NOS1AP: variants seen among roughly 807,000 people sequenced by gnomAD.
The protein encoded by NOS1AP is carboxyl-terminal PDZ ligand of neuronal nitric oxide synthase protein.
NOS1AP carries 21 observed loss-of-function variants against 56.2 expected under a neutral mutation model. The observed-to-expected ratio is 0.37, with a 90% CI of 0.26 to 0.54. The LOEUF is 0.54. Among genes scored for constraint, NOS1AP ranks in the 20% least tolerant of loss-of-function variants. The pLI, the probability that NOS1AP is intolerant of heterozygous loss-of-function variation, is 0.84. For synonymous variants in NOS1AP, 270 were observed against 274.6 expected (o/e 0.98, Z 0.17); for missense variants, 522 against 657.8 (o/e 0.79, Z 2.26).
At chr1:162,116,177 A>G (rs904592313) in intron 1 of NOS1AP, among the ~76,000 whole-genome samples, 1 of 152,140 alleles carries the variant, frequency 6.6e-6, no homozygotes, top group Non-Finnish European at 1.5e-5. Flanking sequence ...CTTCTCCAGA[A>G]GCGGGGTCGT....
chr1:162,147,882 A>G (rs1045140513), intron 1 of NOS1AP, among the ~76,000 whole-genome samples: 1 of 152,112 alleles, frequency 6.6e-6, no homozygotes, highest in African/African-American at 2.4e-5. Flanking sequence ...TCAGTGGTCA[A>G]TGTTCTGAAT....
At chr1:162,144,799 C>A (rs1571060084) in intron 1 of NOS1AP, among the ~76,000 whole-genome samples, 2 of 152,032 alleles carry the variant, frequency 1.3e-5, no homozygotes, top group Admixed American at 1.3e-4. Flanking sequence ...CTTTTTTTCT[C>A]TCCTCTTTGC....
intron 3 of NOS1AP, among the ~76,000 whole-genome samples, chr1:162,296,736 G>A (rs1397630254): frequency 6.6e-6 from 1 of 152,142 alleles, no homozygotes; most frequent in African/African-American, 2.4e-5. Flanking sequence ...GAATGTCTTA[G>A]TTACATTCTA....
intron 1 of NOS1AP, among the ~76,000 whole-genome samples, chr1:162,077,458 T>A (rs1691793294): frequency 6.6e-6 from 1 of 152,226 alleles, no homozygotes; most frequent in Non-Finnish European, 1.5e-5. Flanking sequence ...ATTGGCTTTT[T>A]TACTATTGAG....
At chr1:162,353,490 A>G (rs561620671) in intron 6 of NOS1AP, among the ~76,000 whole-genome samples, 2 of 152,330 alleles carry the variant, frequency 1.3e-5, no homozygotes, top group African/African-American at 4.8e-5. Context: ...GATGGGAAGT[A>G]GATAAGCAGC....
chr1:162,166,659 GACTCTGAC>G (rs2102121033), intron 2 of NOS1AP, among the ~76,000 whole-genome samples: 1 of 152,262 alleles, frequency 6.6e-6, no homozygotes, highest in Admixed American at 6.5e-5. Flanking sequence ...TGAAGGCAGG[GACTCTGAC>G]ACTCATCTTG....
At chr1:162,322,828 A>G (rs1369091330) in intron 4 of NOS1AP, among the ~76,000 whole-genome samples, 1 of 152,198 alleles carries the variant, frequency 6.6e-6, no homozygotes, top group Admixed American at 6.5e-5. Context: ...ACATGGGACT[A>G]ATTTCTAGCC....
chr1:162,366,980 C>T, intron 9 of NOS1AP, 72 bp from the exon 10 acceptor site: 1 of 1,580,786 alleles, frequency 6.3e-7, no homozygotes, highest in Non-Finnish European at 8.7e-7. Flanking sequence ...CACGGGCGGG[C>T]AGAAGGCGGG....
chr1:162,130,367 AT>A (rs1648697869), intron 1 of NOS1AP, among the ~76,000 whole-genome samples: 1 of 152,204 alleles, frequency 6.6e-6, no homozygotes, highest in South Asian at 2.1e-4. Context: ...GTGAGTTTTT[AT>A]TTCACCCCAG....
chr1:162,240,066 C>T (rs1200588457), intron 2 of NOS1AP, among the ~76,000 whole-genome samples: 2 of 152,200 alleles, frequency 1.3e-5, no homozygotes, highest in Non-Finnish European at 2.9e-5. Context: ...CATTTACCCA[C>T]CTGCCACGCT....
At chr1:162,206,290 T>A (rs1652161741) in intron 2 of NOS1AP, among the ~76,000 whole-genome samples, 1 of 152,168 alleles carries the variant, frequency 6.6e-6, no homozygotes, top group Admixed American at 6.5e-5. Flanking sequence ...TTTTATTCTC[T>A]TGTTTCTGAG....
At chr1:162,300,563 A>C in intron 3 of NOS1AP, 70 bp from the exon 4 acceptor site, 1 of 1,348,928 alleles carries the variant, frequency 7.4e-7, no homozygotes, top group South Asian at 1.2e-5. Context: ...ATGTGTTTGC[A>C]TAAGTATGCA....
At chr1:162,318,567 T>A (rs571172699) in intron 4 of NOS1AP, among the ~76,000 whole-genome samples, 1 of 151,714 alleles carries the variant, frequency 6.6e-6, no homozygotes, top group East Asian at 1.9e-4. Flanking sequence ...CTGCTCAGTA[T>A]TTTTTTTTCT....
chr1:162,167,201 C>A (rs1006250883), intron 2 of NOS1AP, among the ~76,000 whole-genome samples: 1 of 152,180 alleles, frequency 6.6e-6, no homozygotes, highest in African/African-American at 2.4e-5. Flanking sequence ...TGCTTTCTAA[C>A]CAGTTGGAAT....
intron 4 of NOS1AP, among the ~76,000 whole-genome samples, chr1:162,316,645 G>A (rs1656240962): frequency 6.6e-6 from 1 of 152,228 alleles, no homozygotes; most frequent in Admixed American, 6.5e-5. Flanking sequence ...GCAAAGGGTG[G>A]TGGGATTATC....
Position 162,367,704 on chromosome 1 carries a change from G to C in NOS1AP, c.*237G>C, listed in dbSNP as rs1658146687. ...TCCTACTTGTGACTAGAGGGTGGTG[G>C]AGGTAAGGCCTTCCAGAGCCCATGG... On this transcript the variant is annotated 3_prime_UTR_variant, in exon 10 of 10. Transcript: ENST00000361897. The surrounding 1 kb of genome is among the most constrained non-coding windows in gnomAD (Gnocchi z 6.5). 7.2e-6 allele frequency: 4 copies of C among 557,306 alleles called. No individual in the cohort carries two copies. The highest frequency in any genetic ancestry group is 1.3e-5 in the Non-Finnish European group (4 of 314,018). The allele number at this position is 557,306 out of a possible 1,614,324, so 34.5% of individuals were successfully genotyped here.
intron 2 of NOS1AP, among the ~76,000 whole-genome samples, chr1:162,214,198 A>G (rs1187392453): frequency 1.3e-5 from 2 of 152,200 alleles, no homozygotes; most frequent in Non-Finnish European, 2.9e-5. Context: ...TCTTTCAGAG[A>G]TATCCATTTA....
At chr1:162,316,134 C>T (rs1656221195) in intron 4 of NOS1AP, among the ~76,000 whole-genome samples, 1 of 152,162 alleles carries the variant, frequency 6.6e-6, no homozygotes, top group African/African-American at 2.4e-5. Flanking sequence ...AATGAACCAA[C>T]CCACCTATAT....
chr1:162,357,718 A>G (rs569548755), intron 8 of NOS1AP, among the ~76,000 whole-genome samples: 1 of 152,138 alleles, frequency 6.6e-6, no homozygotes, highest in South Asian at 2.1e-4. Context: ...TATTTGAGCC[A>G]TAATGAAAAG....
Sources: allele counts gnomAD v4.1 joint callset (sites outside exome capture counted in the v4.1 genomes callset), GRCh38; gene constraint gnomAD v4.1.1; non-coding constraint Gnocchi (gnomAD v3.1); transcripts MANE v1.5; gene names NCBI Gene and HGNC (gene_info 2026-07-23, HGNC 2026-07-21).